RNGTT: variants seen among roughly 807,000 people sequenced by gnomAD.
The protein encoded by RNGTT is RNA guanylyltransferase and 5'-phosphatase, also known as mRNA-capping enzyme.
In RNGTT, 33 loss-of-function variants were observed where a neutral mutation model predicts 79.3. The observed-to-expected ratio is 0.42, with a 90% confidence interval of 0.32 to 0.56. The LOEUF (loss-of-function observed/expected upper bound fraction) is 0.56. RNGTT is among the 20% of genes least tolerant of loss of function. The pLI is 0.17. For synonymous variants in RNGTT, 222 were observed against 235.9 expected (o/e 0.94, Z 0.54); for missense variants, 497 against 739.1 (o/e 0.67, Z 3.80).
chr6:88,654,349 T>C (rs1773901152), intron 14 of RNGTT, among the ~76,000 whole-genome samples: 1 of 152,230 alleles, frequency 6.6e-6, no homozygotes, highest in Admixed American at 6.5e-5. Context: ...CACACAGATC[T>C]AGACCTGATT....
At chr6:88,615,028 C>T (rs1772167217) in intron 14 of RNGTT, among the ~76,000 whole-genome samples, 1 of 152,162 alleles carries the variant, frequency 6.6e-6, no homozygotes, top group East Asian at 1.9e-4. Flanking sequence ...TTGGCTTCTT[C>T]ACCTCAGATG....
At chr6:88,825,959 C>A (rs1268434719) in intron 11 of RNGTT, among the ~76,000 whole-genome samples, 2 of 152,224 alleles carry the variant, frequency 1.3e-5, no homozygotes, top group Non-Finnish European at 2.9e-5. Flanking sequence ...CTAATCTATT[C>A]AAATGCCTGG....
chr6:88,636,235 A>G (rs1019260874), intron 14 of RNGTT, among the ~76,000 whole-genome samples: 3 of 152,000 alleles, frequency 2.0e-5, no homozygotes, highest in African/African-American at 7.2e-5. Flanking sequence ...CTTGGATTTG[A>G]TGCAGTTCCT....
intron 14 of RNGTT, 145 bp from the exon 15 acceptor site, chr6:88,614,540 C>G: frequency 5.4e-6 from 4 of 736,170 alleles, no homozygotes; most frequent in Non-Finnish European, 8.9e-6. Context: ...AGTATCTAAT[C>G]AAGCTTAAGG....
intron 11 of RNGTT, among the ~76,000 whole-genome samples, chr6:88,809,931 G>A (rs990861892): frequency 6.6e-6 from 1 of 151,906 alleles, no homozygotes; most frequent in African/African-American, 2.4e-5. Flanking sequence ...CACCTAAGTC[G>A]CAGCTACTCA....
intron 14 of RNGTT, among the ~76,000 whole-genome samples, chr6:88,638,740 A>G (rs1212055217): frequency 6.6e-6 from 1 of 152,148 alleles, no homozygotes; most frequent in African/African-American, 2.4e-5. Flanking sequence ...AAAAAGTGAG[A>G]CGTTAACTCT....
At position 88,801,569 on chromosome 6, in the gene RNGTT, T is replaced by C; in HGVS notation, c.1333A>G (p.Thr445Ala). The change falls in exon 12 of 16, where the codon ACT becomes GCT. Residue 445 changes from threonine to alanine, a missense_variant. Around this residue, in one of 3 missense-constraint regions of RNGTT, gnomAD observed 440 missense variants for 671.5 expected, o/e 0.66. Transcript: ENST00000369485. ...ACACAGACAAATGAACTTACTCCAG[T>C]AGGCTGAAAAATAAGTCCATCCATT... ...HEMDGLIFQP[T>A]GKYKPGRCDD... 6.2e-6 allele frequency: 10 copies of C among 1,608,650 alleles called. No individual in the cohort carries two copies. Among genetic ancestry groups the C allele is most frequent in the Non-Finnish European group, 8.5e-6 (10 of 1,177,276 alleles).
chr6:88,705,908 TCTAAGA>T (rs1231926193), intron 13 of RNGTT, among the ~76,000 whole-genome samples: 9 of 152,068 alleles, frequency 5.9e-5, no homozygotes, highest in Non-Finnish European at 8.8e-5. Flanking sequence ...AAAGAGCCTC[TCTAAGA>T]CTAACACTTC....
chr6:88,748,369 CT>C (rs1445056131), intron 13 of RNGTT, among the ~76,000 whole-genome samples: 1 of 152,066 alleles, frequency 6.6e-6, no homozygotes, highest in African/African-American at 2.4e-5. Flanking sequence ...TATACAGGAT[CT>C]TTTGCTCCAG....
chr6:88,731,137 G>C (rs1777100673), intron 13 of RNGTT, among the ~76,000 whole-genome samples: 1 of 151,816 alleles, frequency 6.6e-6, no homozygotes, highest in African/African-American at 2.4e-5. Flanking sequence ...AAAGTTCTTA[G>C]AGAACCCAAA....
At chr6:88,806,121 A>G (rs991442837) in intron 11 of RNGTT, among the ~76,000 whole-genome samples, 4 of 152,138 alleles carry the variant, frequency 2.6e-5, no homozygotes, top group Non-Finnish European at 4.4e-5. Context: ...AAAATCCACG[A>G]AAGACGTCTA....
chr6:88,837,533 A>T (rs1428198403), intron 11 of RNGTT, among the ~76,000 whole-genome samples: 1 of 152,174 alleles, frequency 6.6e-6, no homozygotes, highest in Non-Finnish European at 1.5e-5. Flanking sequence ...ACATATCAAG[A>T]TTATTTATAA....
rs1219984680 is a variant in RNGTT at position 88,672,210 on chromosome 6, TATATATATACACACACACAC to T, written c.1506+6123_1506+6142del. 1.2e-4 allele frequency among the ~76,000 whole-genome samples: 16 copies of T among 136,956 alleles called. No individual in the cohort carries two copies. The South Asian group carries it at 2.3e-3, about 20-fold the overall frequency. 89.8% of individuals were successfully genotyped at this position (136,956 alleles called of 152,430 possible). ...AGGAGAAAATGTATATACATATATA[TATATATATACACACACACAC>T]ATATATATACACACACACACATATA... On this transcript the variant is annotated intron_variant, in intron 14 of 15. Transcript: ENST00000369485.
chr6:88,940,335 T>A (rs1160266923), intron 2 of RNGTT, among the ~76,000 whole-genome samples: 1 of 152,142 alleles, frequency 6.6e-6, no homozygotes, highest in African/African-American at 2.4e-5. Context: ...TGCCTCAGCA[T>A]CCCAAAGTGT....
intron 13 of RNGTT, among the ~76,000 whole-genome samples, chr6:88,729,220 C>T (rs1777025172): frequency 6.6e-6 from 1 of 152,082 alleles, no homozygotes; most frequent in African/African-American, 2.4e-5. Flanking sequence ...ATGCAGTGAG[C>T]TTAAAAATTT....
intron 6 of RNGTT, among the ~76,000 whole-genome samples, chr6:88,902,169 A>G (rs1486857013): frequency 6.6e-6 from 1 of 152,156 alleles, no homozygotes; most frequent in Non-Finnish European, 1.5e-5. Context: ...CCTGGATGAC[A>G]GAGTGAGATC....
intron 14 of RNGTT, among the ~76,000 whole-genome samples, chr6:88,675,658 T>TAG (rs1774843515): frequency 1.3e-5 from 2 of 149,310 alleles, no homozygotes; most frequent in African/African-American, 5.1e-5. Flanking sequence ...GCTACTGAAC[T>TAG]AATAATCGAG....
At chr6:88,847,998 G>A (rs577033019) in intron 10 of RNGTT, among the ~76,000 whole-genome samples, 2 of 150,660 alleles carry the variant, frequency 1.3e-5, no homozygotes, top group Non-Finnish European at 3.0e-5. Context: ...TTGGTAATCA[G>A]GGAAAAAAAC....
At chr6:88,860,745 C>T (rs1417406020) in intron 8 of RNGTT, among the ~76,000 whole-genome samples, 1 of 151,070 alleles carries the variant, frequency 6.6e-6, no homozygotes, top group Non-Finnish European at 1.5e-5. Context: ...GAGGCCAAAG[C>T]GGAGAATCAC....
Sources: gnomAD v4.1 joint callset for allele counts (sites outside exome capture counted in the v4.1 genomes callset) on GRCh38, gnomAD v4.1.1 for gene constraint, gnomAD v4.1.1 regional missense constraint, MANE v1.5 for transcripts, NCBI Gene and HGNC (gene_info 2026-07-23, HGNC 2026-07-21) for gene names.